GRAP2: variants seen among roughly 807,000 people sequenced by gnomAD.
The protein encoded by GRAP2 is GRB2 related adaptor protein 2, also known as GRB2-related adapter protein 2.
In GRAP2, 31 loss-of-function variants were observed where a neutral mutation model predicts 43.5. The ratio of observed to expected loss-of-function variants is 0.71; its 90% CI spans 0.54 to 0.96. The LOEUF (loss-of-function observed/expected upper bound fraction) is 0.96. Among genes scored for constraint, GRAP2 ranks in the 40% least tolerant of loss-of-function variants. The pLI is 0.00. For missense variants in GRAP2, 371 were observed against 424.4 expected, an observed-to-expected ratio of 0.87 and a Z score of 1.11; for synonymous variants, 156 against 164.8, an observed-to-expected ratio of 0.95 and a Z score of 0.41.
intron 2 of GRAP2, among the ~76,000 whole-genome samples, chr22:39,953,360 C>T (rs2067010164): frequency 6.6e-6 from 1 of 152,204 alleles, no homozygotes; most frequent in East Asian, 1.9e-4. Flanking sequence ...TCACCACCTA[C>T]TCAGTCTCCC....
At chr22:39,918,446 C>T (rs2066621829) in intron 1 of GRAP2, among the ~76,000 whole-genome samples, 2 of 152,192 alleles carry the variant, frequency 1.3e-5, no homozygotes, top group South Asian at 2.1e-4. Flanking sequence ...CCATTCACCT[C>T]ATTTGTAAGT....
intron 1 of GRAP2, among the ~76,000 whole-genome samples, chr22:39,939,395 T>G (rs548418372): frequency 6.6e-6 from 1 of 152,046 alleles, no homozygotes; most frequent in African/African-American, 2.4e-5. Flanking sequence ...ACCCCATCTC[T>G]ACTAAAAATA....
chr22:39,970,922 G>T lies in GRAP2; in HGVS notation c.831G>T (p.Arg277=). 6.2e-7 allele frequency: 1 copy of T among 1,609,376 alleles called. No homozygotes were observed. Among genetic ancestry groups the T allele is most frequent in the Non-Finnish European group, 8.5e-7 (1 of 1,178,094 alleles). ...LQAAGRVRWA[R]ALYDFEALED... is the part of the protein sequence containing the mutation. ...CCCAACAGCGAGTGCGGTGGGCCCG[G>T]GCGCTGTATGACTTTGAGGCCCTGG... is the stretch of plus-strand genomic sequence containing the variant. Residue 277 remains arginine (R), a synonymous_variant, in exon 8 of 8, where the codon CGG becomes CGT. Coordinates refer to ENST00000344138, the MANE Select transcript of GRAP2 (RefSeq NM_004810.4).
At chr22:39,924,017 G>T (rs139757327) in intron 1 of GRAP2, among the ~76,000 whole-genome samples, 1 of 152,252 alleles carries the variant, frequency 6.6e-6, no homozygotes, top group African/African-American at 2.4e-5. Context: ...GAACGTAGGG[G>T]GCCAGAAATT....
intron 1 of GRAP2, among the ~76,000 whole-genome samples, chr22:39,909,703 A>G (rs1306497380): frequency 6.6e-6 from 1 of 152,170 alleles, no homozygotes; most frequent in Non-Finnish European, 1.5e-5. Flanking sequence ...CAAACAAACA[A>G]AAAAATGGTA....
chr22:39,901,146 C>A lies in GRAP2; in HGVS notation c.-199C>A. 1 of 460,940 alleles carries A rather than the reference C, an allele frequency of 2.2e-6. No homozygotes were observed. Among genetic ancestry groups the A allele is most frequent in the Non-Finnish European group, 4.1e-6 (1 of 240,968 alleles). The allele number at this position is 460,940 out of a possible 1,614,324, so 28.6% of individuals were successfully genotyped here. A position where few individuals can be genotyped will look rare whatever the true frequency, so the allele number is the denominator to read the frequency against. ...AGTAAGAGGTGGGGAGGAGGAGGCA[C>A]AGTTAATGGATCTGTAAACTTGCAC... On this transcript the variant is annotated 5_prime_UTR_variant, in exon 1 of 8. Coordinates refer to ENST00000344138, the MANE Select transcript of GRAP2 (RefSeq NM_004810.4).
At chr22:39,942,303 G>A (rs937517877) in intron 1 of GRAP2, among the ~76,000 whole-genome samples, 1 of 152,090 alleles carries the variant, frequency 6.6e-6, no homozygotes, top group Non-Finnish European at 1.5e-5. Flanking sequence ...TACTGTCTCC[G>A]AGAGGGGCTT....
At chr22:39,914,800 G>T (rs2066591224) in intron 1 of GRAP2, among the ~76,000 whole-genome samples, 1 of 152,232 alleles carries the variant, frequency 6.6e-6, no homozygotes, top group African/African-American at 2.4e-5. Flanking sequence ...AGGTATTGTG[G>T]GATGCGACAG....
intron 6 of GRAP2, chr22:39,968,485 T>TCACA (rs35783963): frequency 2.5e-5 from 13 of 528,654 alleles, no homozygotes; most frequent in East Asian, 6.2e-5. Flanking sequence ...ACACACTGTC[T>TCACA]CACACACACA....
chr22:39,943,593 A>G (rs1214218403), intron 1 of GRAP2, among the ~76,000 whole-genome samples: 4 of 152,086 alleles, frequency 2.6e-5, no homozygotes, highest in African/African-American at 9.7e-5. Context: ...GGCTGCCCCT[A>G]GAGGCTGCAG....
intron 2 of GRAP2, among the ~76,000 whole-genome samples, chr22:39,949,919 G>C (rs989706987): frequency 6.6e-6 from 1 of 152,082 alleles, no homozygotes; most frequent in African/African-American, 2.4e-5. Context: ...GATCTTTCCA[G>C]ACAAATCAGA....
At chr22:39,953,975 C>T (rs558119750) in intron 2 of GRAP2, among the ~76,000 whole-genome samples, 48 of 152,258 alleles carry the variant, frequency 3.2e-4, no homozygotes, top group African/African-American at 1.0e-3. Context: ...TTAAGGGCTC[C>T]CCCTACATTT....
At chr22:39,915,346 G>A (rs1204046340) in intron 1 of GRAP2, among the ~76,000 whole-genome samples, 1 of 152,096 alleles carries the variant, frequency 6.6e-6, no homozygotes, top group African/African-American at 2.4e-5. Flanking sequence ...GGTTGAGCAG[G>A]CATTGACCCC....
chr22:39,900,566 C>G (rs1462731911), upstream of GRAP2, among the ~76,000 whole-genome samples: 1 of 152,156 alleles, frequency 6.6e-6, no homozygotes, highest in Non-Finnish European at 1.5e-5. Context: ...TCCCAGAAAG[C>G]CTTCAGTCTA....
In GRAP2 at chr22:39,913,482, G is replaced by GC. The variant is rs531906177; in HGVS notation, c.-15+12154dup. On this transcript the variant is annotated intron_variant, in intron 1 of 7. Transcript: ENST00000344138. ...TAGAACTGGGGCGCCTCAGAGCCAG[G>GC]CCAGCAGCAGGCATGACCGATGCTG... 1.9e-3 allele frequency among the ~76,000 whole-genome samples: 283 copies of GC among 152,290 alleles called. 2 individuals carry two copies. Among genetic ancestry groups the GC allele is most frequent in the Middle Eastern group, 0.014 (4 of 294 alleles).
At position 39,956,369 on chromosome 22, in the gene GRAP2, G is replaced by A. The variant is rs149473387; in HGVS notation, c.170+459G>A. 6.9e-3 allele frequency among the ~76,000 whole-genome samples: 1,045 copies of A among 152,166 alleles called. 9 individuals are homozygous for A. Among genetic ancestry groups the A allele is most frequent in the African/African-American group, 0.024 (986 of 41,504 alleles). ...GACAGGGTTTTACCATGTTGGCCAG[G>A]CTGGTCCCAAACTCCTGACCTCAAG... On this transcript the variant is annotated intron_variant, in intron 3 of 7. Transcript: ENST00000344138.
At chr22:39,961,287 G>A (rs916490684) in intron 4 of GRAP2, among the ~76,000 whole-genome samples, 1 of 152,076 alleles carries the variant, frequency 6.6e-6, no homozygotes, top group Admixed American at 6.6e-5. Context: ...TCACTCAGGG[G>A]GAGAAAGAGG....
At chr22:39,945,713 G>A (rs2066915105) in intron 1 of GRAP2, among the ~76,000 whole-genome samples, 1 of 152,234 alleles carries the variant, frequency 6.6e-6, no homozygotes, top group Non-Finnish European at 1.5e-5. Flanking sequence ...AATGAGAAAA[G>A]TTCATAGGAG....
chr22:39,900,506 A>C (rs1297584907), upstream of GRAP2, among the ~76,000 whole-genome samples: 1 of 152,326 alleles, frequency 6.6e-6, no homozygotes, highest in East Asian at 1.9e-4. Flanking sequence ...AAAGGTAAGA[A>C]CTAAGGAAGT....
Sources: gnomAD v4.1 joint callset for allele counts (sites outside exome capture counted in the v4.1 genomes callset) on GRCh38, gnomAD v4.1.1 for gene constraint, MANE v1.5 for transcripts, NCBI Gene and HGNC (gene_info 2026-07-23, HGNC 2026-07-21) for gene names.